The following HNF4G variants were observed in gnomAD, a reference collection of about 807,000 sequenced individuals.
HNF4G encodes hepatocyte nuclear factor 4 gamma.
In HNF4G, 21 loss-of-function variants were observed where a neutral mutation model predicts 50.9. That is an observed-to-expected ratio of 0.41 (90% CI 0.29 to 0.59). The LOEUF (loss-of-function observed/expected upper bound fraction) is 0.59, where lower values mean the gene tolerates loss of function less well. HNF4G is among the 20% of genes least tolerant of loss of function. The pLI is 0.26. For missense variants in HNF4G, 527 were observed against 559.4 expected (o/e 0.94, Z 0.58); for synonymous variants, 198 against 185.6 (o/e 1.07, Z -0.54).
chr8:75,467,012 T>C lies in HNF4G; in HGVS notation c.-143-23077T>C, dbSNP rs569219348. Among the ~76,000 whole-genome samples, 14 of 152,214 alleles carry C rather than the reference T, an allele frequency of 9.2e-5. No homozygotes were observed. The South Asian group carries it at 1.0e-3, about 11-fold the overall frequency. On this transcript the variant is annotated intron_variant, in intron 1 of 10. Transcript: ENST00000354370. ...ACCATTCATTCTGTATCTTCTATGT[T>C]GTTGTTGTTTTTTAATTTGAGGAGT...
upstream of HNF4G, among the ~76,000 whole-genome samples, chr8:75,538,787 A>G (rs913688721): frequency 1.2e-4 from 18 of 152,172 alleles, no homozygotes; most frequent in Admixed American, 8.5e-4. Context: ...AATTGACTCT[A>G]AGCTATTTTC....
Position 75,558,859 on chromosome 8 carries a change from C to G in HNF4G, c.945C>G (p.Ile315Met). Residue 315 changes from isoleucine to methionine, a missense_variant, in exon 8 of 10, where the codon ATC becomes ATG. Around this residue, in one of 5 missense-constraint regions of HNF4G, gnomAD observed 308 missense variants for 301.5 expected, o/e 1.02. Transcript: ENST00000396423. The stretch of plus-strand genomic sequence containing the variant: ...AGAACATGAGGTTCCAAGTGCAGAT[C>G]GGTTTGGAGGACTACATCAATGATC... ...KIKNMRFQVQ[I>M]GLEDYINDRQ... is the part of the protein sequence containing the mutation. 3 of 1,613,996 alleles carry G rather than the reference C, an allele frequency of 1.9e-6. No individual in the cohort carries two copies. The highest frequency in any genetic ancestry group is 1.7e-6 in the Non-Finnish European group (2 of 1,179,984).
chr8:75,475,439 A>T (rs1812220573), intron 1 of HNF4G, among the ~76,000 whole-genome samples: 1 of 152,188 alleles, frequency 6.6e-6, no homozygotes, highest in Non-Finnish European at 1.5e-5. Flanking sequence ...TGTGTATATG[A>T]GTCTATATAA....
chr8:75,510,481 C>T (rs1805720361), intron 2 of HNF4G, among the ~76,000 whole-genome samples: 1 of 152,212 alleles, frequency 6.6e-6, no homozygotes, highest in Non-Finnish European at 1.5e-5. Context: ...AGAGCAACTT[C>T]CACTGTTGCC....
At chr8:75,420,349 T>A (rs774949365) in intron 1 of HNF4G, among the ~76,000 whole-genome samples, 2 of 152,256 alleles carry the variant, frequency 1.3e-5, no homozygotes, top group African/African-American at 4.8e-5. Flanking sequence ...AAGAATATGT[T>A]ATCTTCCTGC....
chr8:75,544,994 G>C (rs1284490561), intron 2 of HNF4G, among the ~76,000 whole-genome samples: 1 of 151,886 alleles, frequency 6.6e-6, no homozygotes, highest in Non-Finnish European at 1.5e-5. Flanking sequence ...ATTTTTCCAA[G>C]ATAGTTTGAA....
At chr8:75,552,753 G>C (rs568040633) in intron 4 of HNF4G, among the ~76,000 whole-genome samples, 4 of 152,132 alleles carry the variant, frequency 2.6e-5, no homozygotes, top group Non-Finnish European at 5.9e-5. Flanking sequence ...AAAAGTTGGG[G>C]TAAAACTTAG....
At chr8:75,484,795 G>A (rs1812460225) in intron 1 of HNF4G, among the ~76,000 whole-genome samples, 1 of 152,182 alleles carries the variant, frequency 6.6e-6, no homozygotes, top group Non-Finnish European at 1.5e-5. Flanking sequence ...ATGAACAAAT[G>A]AGTGAATTGC....
chr8:75,434,002 C>CTTT (rs139429237), intron 1 of HNF4G, among the ~76,000 whole-genome samples: 8 of 123,274 alleles, frequency 6.5e-5, no homozygotes, highest in African/African-American at 9.1e-5. Flanking sequence ...TGTTTCTTTT[C>CTTT]TTTTTTTTTT....
In HNF4G at chr8:75,511,973, T is replaced by C. The variant is rs566545410; in HGVS notation, c.-24+21765T>C. Among the ~76,000 whole-genome samples, 20 of 152,324 alleles carry C rather than the reference T, an allele frequency of 1.3e-4. No individual in the cohort carries two copies. The South Asian group carries it at 4.1e-3, about 32-fold the overall frequency. On this transcript the variant is annotated intron_variant, in intron 2 of 10. Coordinates refer to the HNF4G transcript ENST00000354370. ...GGTGCAAGGAAGTATTTTATTTCTT[T>C]CAAATCTCATTATTTTTTATTAGTT...
intron 2 of HNF4G, among the ~76,000 whole-genome samples, chr8:75,510,641 A>G (rs999960414): frequency 1.3e-5 from 2 of 152,188 alleles, no homozygotes; most frequent in Non-Finnish European, 2.9e-5. Context: ...GTAATACACT[A>G]TACAGACTTG....
At chr8:75,477,551 T>C (rs1812267674) in intron 1 of HNF4G, among the ~76,000 whole-genome samples, 1 of 152,128 alleles carries the variant, frequency 6.6e-6, no homozygotes, top group Non-Finnish European at 1.5e-5. Flanking sequence ...TGTTAATATT[T>C]AAAATAGGAC....
intron 8 of HNF4G, among the ~76,000 whole-genome samples, chr8:75,559,279 T>TTG (rs1554580983): frequency 6.7e-6 from 1 of 149,570 alleles, no homozygotes; most frequent in Non-Finnish European, 1.5e-5. Flanking sequence ...TTTTGTTTGT[T>TTG]TTTTTTTTTT....
At chr8:75,489,476 C>T (rs1812570483) in intron 1 of HNF4G, among the ~76,000 whole-genome samples, 1 of 152,180 alleles carries the variant, frequency 6.6e-6, no homozygotes, top group Non-Finnish European at 1.5e-5. Context: ...GAAGAGCCAA[C>T]CTTTTTGACC....
intron 1 of HNF4G, among the ~76,000 whole-genome samples, chr8:75,435,414 A>G (rs1351390083): frequency 2.0e-5 from 3 of 152,202 alleles, no homozygotes; most frequent in African/African-American, 7.2e-5. Context: ...TTACTATAAT[A>G]AAGTGCAGCT....
Position 75,556,062 on chromosome 8 carries a change from G to A in HNF4G, c.726G>A (p.Leu242=). The A allele has an allele frequency of 6.6e-7, 1 of 1,511,090 alleles. No homozygotes were observed. Among genetic ancestry groups the A allele is most frequent in the Non-Finnish European group, 8.8e-7 (1 of 1,134,486 alleles). 93.6% of individuals were successfully genotyped at this position (1,511,090 alleles called of 1,614,324 possible). A position where few individuals can be genotyped will look rare whatever the true frequency, so the allele number is the denominator to read the frequency against. Residue 242 remains leucine, a synonymous_variant, in exon 6 of 10, where the codon TTG becomes TTA. Transcript: ENST00000396423. The part of the protein sequence containing the change: ...TKRSMMYKDI[L]LLGNNYVIHR... ...GATCCATGATGTATAAAGATATTTT[G>A]CTTTTGGGTAAGTTTTTTTTTTTTA...
intron 1 of HNF4G, 146 bp from the exon 2 acceptor site, chr8:75,543,665 C>A: frequency 1.7e-6 from 1 of 586,594 alleles, no homozygotes; most frequent in Non-Finnish European, 2.9e-6. Context: ...ACGGAAGCAG[C>A]CAGCCAGGGG....
chr8:75,458,738 C>T (rs117658041), intron 1 of HNF4G, among the ~76,000 whole-genome samples: 35 of 152,144 alleles, frequency 2.3e-4, no homozygotes, highest in South Asian at 4.2e-4. Flanking sequence ...GTTCAGGTTG[C>T]GTCAACATCA....
chr8:75,433,528 A>AT (rs1228282741), intron 1 of HNF4G, among the ~76,000 whole-genome samples: 1 of 151,886 alleles, frequency 6.6e-6, no homozygotes, highest in Non-Finnish European at 1.5e-5. Context: ...TTATTGATTG[A>AT]TTTTTAAATG....
Sources: gnomAD v4.1 joint callset for allele counts (sites outside exome capture counted in the v4.1 genomes callset) on GRCh38, gnomAD v4.1.1 for gene constraint, gnomAD v4.1.1 regional missense constraint, MANE v1.5 for transcripts, NCBI Gene and HGNC (gene_info 2026-07-23, HGNC 2026-07-21) for gene names.